The following CACNG2 variants were observed in gnomAD, a reference collection of about 807,000 sequenced individuals.
CACNG2 encodes voltage-dependent calcium channel gamma-2 subunit.
CACNG2 carries 3 observed loss-of-function variants against 25.9 expected under a neutral mutation model. The observed-to-expected ratio is 0.12, with a 90% CI of 0.05 to 0.30. The LOEUF is 0.30. CACNG2 is among the 10% of genes least tolerant of loss of function. The pLI, the probability that CACNG2 is intolerant of heterozygous loss-of-function variation, is 1.00. For synonymous variants in CACNG2, 167 were observed against 173.3 expected (o/e 0.96, Z 0.29); for missense variants, 341 against 432.5 (o/e 0.79, Z 1.88).
chr22:36,688,622 T>C (rs535772614), intron 1 of CACNG2, among the ~76,000 whole-genome samples: 1 of 151,910 alleles, frequency 6.6e-6, no homozygotes, highest in Admixed American at 6.5e-5. Context: ...TTCCCAGATC[T>C]ATGCACTCTG....
At position 36,566,398 on chromosome 22, in the gene CACNG2, G is replaced by T. The variant is rs1009915493; in HGVS notation, c.391C>A (p.Arg131=). The T allele has an allele frequency of 6.8e-6, 11 of 1,614,004 alleles. No individual in the cohort carries two copies. In the Admixed American group the frequency reaches 1.0e-4, roughly 15 times the overall value. ...CIAASEFYKT[R]HNIILSAGIF... ...CCGGCACTCAGGATGATGTTGTGTC[G>T]AGTTTTGTAGAACTCGCTGGCTGCG... Residue 131 remains arginine (R), a synonymous_variant, in exon 3 of 4, where the codon CGA becomes AGA. Transcript: ENST00000300105.
intron 1 of CACNG2, among the ~76,000 whole-genome samples, chr22:36,679,189 C>CTTTCTTT (rs1937058688): frequency 6.8e-4 from 47 of 69,344 alleles, no homozygotes; most frequent in African/African-American, 2.9e-3. Flanking sequence ...TTCCTTCCTT[C>CTTTCTTT]CTTCCTTCCT....
chr22:36,613,682 C>A (rs1447924851), intron 1 of CACNG2, among the ~76,000 whole-genome samples: 1 of 151,872 alleles, frequency 6.6e-6, no homozygotes, highest in Non-Finnish European at 1.5e-5. Context: ...TACTGATGAC[C>A]CACAAGTCTT....
intron 1 of CACNG2, among the ~76,000 whole-genome samples, chr22:36,698,070 T>C (rs1289334747): frequency 6.6e-6 from 1 of 152,182 alleles, no homozygotes; most frequent in African/African-American, 2.4e-5. Context: ...TGACTCATTA[T>C]TATTCTTATA....
At chr22:36,612,774 T>C (rs1935963868) in intron 1 of CACNG2, among the ~76,000 whole-genome samples, 1 of 152,240 alleles carries the variant, frequency 6.6e-6, no homozygotes, top group Non-Finnish European at 1.5e-5. Flanking sequence ...ACTTAGCAGA[T>C]GCCTGATATG....
At chr22:36,670,645 G>GTTTTGT (rs1936936636) in intron 1 of CACNG2, among the ~76,000 whole-genome samples, 6 of 150,596 alleles carry the variant, frequency 4.0e-5, no homozygotes, top group South Asian at 2.1e-4. Context: ...GTTTTGTTTT[G>GTTTTGT]TTTTTTGAGA....
chr22:36,634,013 A>C (rs1936317457), intron 1 of CACNG2, among the ~76,000 whole-genome samples: 1 of 152,254 alleles, frequency 6.6e-6, no homozygotes, highest in Non-Finnish European at 1.5e-5. Context: ...GCCAATCAGT[A>C]GGATGTGGTG....
chr22:36,645,536 CAAAAAAAAAAAAA>C (rs200600420), intron 1 of CACNG2, among the ~76,000 whole-genome samples: 1 of 134,760 alleles, frequency 7.4e-6, no homozygotes, highest in African/African-American at 2.8e-5. Context: ...GACTCTGTCT[CAAAAAAAAAAAAA>C]AAAAAAAAAA....
chr22:36,570,374 C>G (rs1935204589), intron 2 of CACNG2, among the ~76,000 whole-genome samples: 1 of 152,208 alleles, frequency 6.6e-6, no homozygotes. Context: ...TAAATAATGA[C>G]CACCAGCGGG....
intron 1 of CACNG2, among the ~76,000 whole-genome samples, chr22:36,632,895 G>T (rs537781891): frequency 6.6e-6 from 1 of 151,896 alleles, no homozygotes; most frequent in Non-Finnish European, 1.5e-5. Context: ...CTTTTCCTGG[G>T]CTATAAGACC....
At chr22:36,630,341 C>T (rs1392789645) in intron 1 of CACNG2, among the ~76,000 whole-genome samples, 3 of 152,050 alleles carry the variant, frequency 2.0e-5, no homozygotes, top group Non-Finnish European at 2.9e-5. Context: ...GCAGAGTCAA[C>T]CTTATCCACA....
At chr22:36,622,012 C>G (rs969028422) in intron 1 of CACNG2, among the ~76,000 whole-genome samples, 22 of 152,220 alleles carry the variant, frequency 1.4e-4, no homozygotes, top group Non-Finnish European at 2.8e-4. Flanking sequence ...TCACTCTGCT[C>G]AAGGCTTTCT....
intron 1 of CACNG2, among the ~76,000 whole-genome samples, chr22:36,614,001 T>G (rs1935984503): frequency 6.6e-6 from 1 of 152,120 alleles, no homozygotes; most frequent in Admixed American, 6.5e-5. Flanking sequence ...AACCCCCAAG[T>G]GGCTCCCCTG....
At chr22:36,580,678 C>T (rs1420035165) in intron 2 of CACNG2, among the ~76,000 whole-genome samples, 1 of 152,176 alleles carries the variant, frequency 6.6e-6, no homozygotes, top group Non-Finnish European at 1.5e-5. Context: ...ACCCCGCAGT[C>T]CTGGACAATG....
chr22:36,637,984 T>C (rs1441166533), intron 1 of CACNG2, among the ~76,000 whole-genome samples: 2 of 151,756 alleles, frequency 1.3e-5, no homozygotes, highest in African/African-American at 2.4e-5. Context: ...ATCGTGCCAC[T>C]GTACTCCAGC....
At chr22:36,701,826 A>G (rs1355815771) in intron 1 of CACNG2, among the ~76,000 whole-genome samples, 1 of 152,216 alleles carries the variant, frequency 6.6e-6, no homozygotes, top group Non-Finnish European at 1.5e-5. Context: ...AGATCCTGGA[A>G]TAATTAGGAT....
intron 1 of CACNG2, among the ~76,000 whole-genome samples, chr22:36,632,194 G>A (rs1380012475): frequency 1.3e-5 from 2 of 151,636 alleles, no homozygotes; most frequent in Non-Finnish European, 2.9e-5. Context: ...TTAAAAAAAT[G>A]AGAATCCATT....
chr22:36,595,066 T>C (rs1935658001), intron 1 of CACNG2, among the ~76,000 whole-genome samples: 1 of 151,782 alleles, frequency 6.6e-6, no homozygotes. Flanking sequence ...TGTCTTTGTG[T>C]GTGTCTCTGT....
At chr22:36,696,384 G>A (rs974772431) in intron 1 of CACNG2, among the ~76,000 whole-genome samples, 2 of 151,382 alleles carry the variant, frequency 1.3e-5, no homozygotes, top group African/African-American at 4.9e-5. Flanking sequence ...TCTGTATTGA[G>A]TTCATTATTT....
Sources: gnomAD v4.1 joint callset for allele counts (sites outside exome capture counted in the v4.1 genomes callset) on GRCh38, gnomAD v4.1.1 for gene constraint, MANE v1.5 for transcripts, NCBI Gene and HGNC (gene_info 2026-07-23, HGNC 2026-07-21) for gene names.